EXOC6B: variants seen among roughly 807,000 people sequenced by gnomAD.
EXOC6B encodes the protein exocyst complex component 6B, also known as SEC15 homolog B.
EXOC6B carries 54 observed loss-of-function variants against 113.5 expected under a neutral mutation model. The ratio of observed to expected loss-of-function variants is 0.48; its 90% CI spans 0.38 to 0.60. The LOEUF is 0.60. EXOC6B is among the 20% of genes least tolerant of loss of function. EXOC6B has a pLI of 0.00. For missense variants in EXOC6B, 797 were observed against 977.5 expected (o/e 0.82, Z 2.46); for synonymous variants, 357 against 339.0 (o/e 1.05, Z -0.58).
chr2:72,466,589 A>G (rs1698070564), intron 17 of EXOC6B, among the ~76,000 whole-genome samples: 1 of 152,116 alleles, frequency 6.6e-6, no homozygotes, highest in African/African-American at 2.4e-5. Context: ...TTTGCAATAT[A>G]TTTACATACT....
At chr2:72,436,589 G>A (rs1056466905) in intron 18 of EXOC6B, among the ~76,000 whole-genome samples, 1 of 151,884 alleles carries the variant, frequency 6.6e-6, no homozygotes, top group Non-Finnish European at 1.5e-5. Flanking sequence ...TGGAGACTTT[G>A]TTCATTCCTT....
intron 8 of EXOC6B, among the ~76,000 whole-genome samples, chr2:72,532,153 C>T (rs1702039982): frequency 6.6e-6 from 1 of 152,090 alleles, no homozygotes; most frequent in African/African-American, 2.4e-5. Context: ...AATTTCAAAA[C>T]ATACGTATCA....
intron 17 of EXOC6B, among the ~76,000 whole-genome samples, chr2:72,466,920 T>C (rs1236989017): frequency 6.6e-6 from 1 of 152,224 alleles, no homozygotes; most frequent in Non-Finnish European, 1.5e-5. Flanking sequence ...ATAATCATCA[T>C]GTTATAGAAT....
At chr2:72,418,904 CTG>C (rs1291136460) in intron 18 of EXOC6B, among the ~76,000 whole-genome samples, 1 of 152,072 alleles carries the variant, frequency 6.6e-6, no homozygotes, top group African/African-American at 2.4e-5. Context: ...TCCTGCATTA[CTG>C]TCTTTTTTTG....
intron 18 of EXOC6B, among the ~76,000 whole-genome samples, chr2:72,398,390 T>C (rs1448874721): frequency 6.6e-6 from 1 of 152,066 alleles, no homozygotes; most frequent in Non-Finnish European, 1.5e-5. Flanking sequence ...GCTCTCCAGA[T>C]TGCCAATTTC....
intron 6 of EXOC6B, among the ~76,000 whole-genome samples, chr2:72,639,939 C>T (rs559736288): frequency 1.2e-4 from 18 of 152,300 alleles, no homozygotes; most frequent in Non-Finnish European, 2.5e-4. Context: ...AGAGGCCTGA[C>T]AACTCAAAAA....
intron 20 of EXOC6B, among the ~76,000 whole-genome samples, chr2:72,325,311 A>ATCCCATAGATATAGCTGGTTGTG (rs879761354): frequency 2.0e-5 from 3 of 152,156 alleles, no homozygotes; most frequent in Non-Finnish European, 4.4e-5. Context: ...AGAGATGAGA[A>ATCCCATAGATATAGCTGGTTGTG]TCCCATAGAT....
chr2:72,739,418 TTTAC>T (rs1681164854), intron 2 of EXOC6B, among the ~76,000 whole-genome samples: 1 of 152,090 alleles, frequency 6.6e-6, no homozygotes, highest in Admixed American at 6.5e-5. Context: ...TTCCTATTGA[TTTAC>T]CAAGAATCTT....
intron 1 of EXOC6B, among the ~76,000 whole-genome samples, chr2:72,801,888 T>C (rs1685297385): frequency 6.6e-6 from 1 of 152,242 alleles, no homozygotes; most frequent in South Asian, 2.1e-4. Flanking sequence ...GCACTGTTAG[T>C]GGAAGTCTCA....
intron 18 of EXOC6B, among the ~76,000 whole-genome samples, chr2:72,391,902 G>A (rs1299359550): frequency 6.6e-6 from 1 of 152,098 alleles, no homozygotes; most frequent in Non-Finnish European, 1.5e-5. Flanking sequence ...GTTTCAGTTT[G>A]GGTGCTTTCT....
At chr2:72,404,227 G>A (rs893169800) in intron 18 of EXOC6B, among the ~76,000 whole-genome samples, 1 of 152,212 alleles carries the variant, frequency 6.6e-6, no homozygotes, top group Non-Finnish European at 1.5e-5. Context: ...CGAACTGGGT[G>A]GAGCCCACCA....
At chr2:72,196,203 T>C (rs1247894575) in intron 20 of EXOC6B, among the ~76,000 whole-genome samples, 2 of 152,250 alleles carry the variant, frequency 1.3e-5, no homozygotes, top group Non-Finnish European at 2.9e-5. Flanking sequence ...AGTTATTTTT[T>C]ATAAATGGAT....
intron 8 of EXOC6B, among the ~76,000 whole-genome samples, chr2:72,556,267 C>T (rs7560529): frequency 0.86 from 130,681 of 152,218 alleles, 56,506 homozygotes; most frequent in East Asian, 0.99. Context: ...CTTCACTATA[C>T]AGTCCTTCTC....
At chr2:72,287,828 C>T (rs1685540096) in intron 20 of EXOC6B, among the ~76,000 whole-genome samples, 1 of 152,110 alleles carries the variant, frequency 6.6e-6, no homozygotes, top group South Asian at 2.1e-4. Flanking sequence ...AAAGAAATTT[C>T]CTGGTCCATA....
intron 20 of EXOC6B, among the ~76,000 whole-genome samples, chr2:72,304,269 G>A (rs930346428): frequency 6.6e-6 from 1 of 152,018 alleles, no homozygotes; most frequent in Non-Finnish European, 1.5e-5. Flanking sequence ...ATACTATAAT[G>A]AACATTTTAT....
chr2:72,469,377 G>A lies in EXOC6B; in HGVS notation c.1801-4038C>T, dbSNP rs944620000. Among the ~76,000 whole-genome samples, 5 of 151,590 alleles carry A rather than the reference G, an allele frequency of 3.3e-5. No individual in the cohort carries two copies. The East Asian group carries it at 5.8e-4, about 18-fold the overall frequency. ...AATTGTTCTTTGCCTAGTTTCCTAC[G>A]GTGTAAGTATAGATTATTAAATTTA... On this transcript the variant is annotated intron_variant, in intron 17 of 21. Coordinates refer to ENST00000272427, the MANE Select transcript of EXOC6B (RefSeq NM_015189.3).
chr2:72,779,007 T>C (rs1683876558), intron 1 of EXOC6B, among the ~76,000 whole-genome samples: 1 of 152,102 alleles, frequency 6.6e-6, no homozygotes, highest in Admixed American at 6.5e-5. Context: ...TAGTATAACA[T>C]AAATATTACA....
rs571630822 is a variant in EXOC6B at position 72,337,341 on chromosome 2, T to C, written c.2123-2321A>G. The stretch of plus-strand genomic sequence containing the variant: ...ATAACTCAAGTCTATGCTGTATCAC[T>C]TGAAGCATCTGAAGACTTCTCTGTC... On this transcript the variant is annotated intron_variant, in intron 19 of 21. Transcript: ENST00000272427. 7.9e-5 allele frequency among the ~76,000 whole-genome samples: 12 copies of C among 152,296 alleles called. 1 individual carries two copies. In the South Asian group the frequency reaches 2.5e-3, roughly 32 times the overall value.
chr2:72,728,548 T>A (rs1680449846), intron 5 of EXOC6B, among the ~76,000 whole-genome samples: 1 of 152,140 alleles, frequency 6.6e-6, no homozygotes, highest in South Asian at 2.1e-4. Context: ...GATTTAAAAC[T>A]TACTCATGTT....
Sources: gnomAD v4.1 joint callset for allele counts (sites outside exome capture counted in the v4.1 genomes callset) on GRCh38, gnomAD v4.1.1 for gene constraint, MANE v1.5 for transcripts, NCBI Gene and HGNC (gene_info 2026-07-23, HGNC 2026-07-21) for gene names.